Variants in BRCA1 observed in about 807,000 individuals in gnomAD.
BRCA1 encodes the protein BRCA1 DNA repair associated, also known as breast cancer type 1 susceptibility protein.
In BRCA1, 140 loss-of-function variants were observed where a neutral mutation model predicts 173.7. That is an observed-to-expected ratio of 0.81 (90% CI 0.70 to 0.93). The LOEUF (loss-of-function observed/expected upper bound fraction) is 0.93, where lower values mean the gene tolerates loss of function less well. BRCA1 is among the 40% of genes least tolerant of loss of function. The pLI, the probability that BRCA1 is intolerant of heterozygous loss-of-function variation, is 0.00. For synonymous variants in BRCA1, 662 were observed against 756.0 expected, an observed-to-expected ratio of 0.88 and a Z score of 2.04; for missense variants, 1,983 against 2,172.5, an observed-to-expected ratio of 0.91 and a Z score of 1.73.
Position 43,093,065 on chromosome 17 carries a change from A to C in BRCA1, c.2466T>G (p.Asn822Lys), listed in dbSNP as rs1064794701. The change falls in exon 10 of 23, where the codon AAT becomes AAG. Residue 822 changes from asparagine to lysine, a missense_variant. Asn to Lys is a moderately conservative substitution (Grantham distance 94). Transcript: ENST00000357654. ...KGLIHGCSKD[N>K]RNDTEGFKYP... is the part of the protein sequence containing the mutation. ...ACTTAAAGCCTTCTGTGTCATTTCTATTATCTTTGGAACAACCATGAATTA... is the reference window on the plus strand; with the variant it reads ...ACTTAAAGCCTTCTGTGTCATTTCTCTTATCTTTGGAACAACCATGAATTA... The C allele has an allele frequency of 6.2e-7, 1 of 1,613,692 alleles. No individual in the cohort carries two copies. The highest frequency in any genetic ancestry group is 8.5e-7 in the Non-Finnish European group (1 of 1,179,962).
chr17:43,092,077 C>G lies in BRCA1; in HGVS notation c.3454G>C (p.Asp1152His), dbSNP rs80357175. 1 of 1,614,046 alleles carries G rather than the reference C, an allele frequency of 6.2e-7. No individual in the cohort carries two copies. The highest frequency in any genetic ancestry group is 1.3e-5 in the African/African-American group (1 of 75,048). The change falls in exon 10 of 23, where the codon GAC (aspartate) becomes CAC (histidine). Residue 1152 changes from aspartate (D) to histidine (H), a missense_variant. By Grantham distance (81) the Asp-to-His change is moderately conservative. Transcript: ENST00000357654. ...TTTATTTCACCATCATCTAACAGGT[C>G]ATCAGGTGTCTCAGAACAAACCTGA... ...ASQVCSETPD[D>H]LLDDGEIKED...
chr17:43,122,400 T>G (rs1325754281), intron 2 of BRCA1, among the ~76,000 whole-genome samples: 1 of 152,214 alleles, frequency 6.6e-6, no homozygotes, highest in Non-Finnish European at 1.5e-5. Context: ...TTCTAACTAC[T>G]GAACATACAG....
At position 43,047,013 on chromosome 17, in the gene BRCA1, C is replaced by T. The variant is rs145225180; in HGVS notation, c.5467+630G>A. On this transcript the variant is annotated intron_variant, in intron 22 of 22. Coordinates refer to ENST00000357654, the MANE Select transcript of BRCA1 (RefSeq NM_007294.4). ...TTTATAAAATACACGTGTATATATA[C>T]GCACATATGCCTGGTGGAGTTTTAT... Among the ~76,000 whole-genome samples the T allele has an allele frequency of 1.9e-3, 283 of 152,200 alleles. 1 individual carries two copies. The highest frequency in any genetic ancestry group is 5.5e-3 in the African/African-American group (229 of 41,510).
chr17:43,125,831 G>C, upstream of BRCA1: 1 of 155,354 alleles, frequency 6.4e-6, no homozygotes, highest in Non-Finnish European at 1.4e-5. Flanking sequence ...TCCAGCATGC[G>C]TTGCGGAATG....
Position 43,044,742 on chromosome 17 carries a change from A to G in BRCA1, c.*936T>C, listed in dbSNP as rs2152256512. 1 of 499,914 alleles carries G rather than the reference A, an allele frequency of 2.0e-6. No homozygotes were observed. The highest frequency in any genetic ancestry group is 3.9e-6 in the Non-Finnish European group (1 of 255,380). The allele number at this position is 499,914 out of a possible 1,614,324, so 31.0% of individuals were successfully genotyped here. A position where few individuals can be genotyped will look rare whatever the true frequency, so the allele number is the denominator to read the frequency against. On this transcript the variant is annotated 3_prime_UTR_variant, in exon 23 of 23. Transcript: ENST00000357654. Reference sequence around the variant, plus strand: ...AAAATCTTCTGCTGTTTTAGAACACATTCTTTAGAAATCTAGCAAATATAT... The same window carrying G: ...AAAATCTTCTGCTGTTTTAGAACACGTTCTTTAGAAATCTAGCAAATATAT...
At chr17:43,096,493 A>C (rs1223740243) in intron 8 of BRCA1, among the ~76,000 whole-genome samples, 5 of 151,118 alleles carry the variant, frequency 3.3e-5, no homozygotes, top group African/African-American at 7.3e-5. Flanking sequence ...AATCGCTTGA[A>C]CCAGGGAGTT....
chr17:43,134,774 G>T (rs1597932083), intron 1 of BRCA1, among the ~76,000 whole-genome samples: 1 of 152,256 alleles, frequency 6.6e-6, no homozygotes, highest in East Asian at 1.9e-4. Flanking sequence ...TGAAAGGGCG[G>T]CCCTCATACA....
chr17:43,057,273 A>T, intron 18 of BRCA1, 138 bp from the exon 19 acceptor site: 1 of 793,688 alleles, frequency 1.3e-6, no homozygotes, highest in East Asian at 2.5e-5. Flanking sequence ...ACTTTGGGAG[A>T]CTGAGGCAGG....
chr17:43,133,262 A>G (rs1292446715), intron 1 of BRCA1: 1 of 152,172 alleles, frequency 6.6e-6, no homozygotes, highest in African/African-American at 2.4e-5. Flanking sequence ...GAAAACAGAA[A>G]GTAACTGCCA....
At chr17:43,094,902 T>C in intron 9 of BRCA1, 42 bp from the exon 10 acceptor site, 2 of 1,544,050 alleles carry the variant, frequency 1.3e-6, no homozygotes, top group Non-Finnish European at 1.8e-6. Context: ...AAAACTGAAT[T>C]GTCATTAAAA....
chr17:43,126,716 C>T (rs36221744), upstream of BRCA1, among the ~76,000 whole-genome samples: 2,298 of 152,338 alleles, frequency 0.015, 62 homozygotes, highest in African/African-American at 0.052. Flanking sequence ...GGCGCCTCCT[C>T]GGCCTTGGCG....
At chr17:43,075,554 C>T (rs1008758432) in intron 13 of BRCA1, among the ~76,000 whole-genome samples, 3 of 151,862 alleles carry the variant, frequency 2.0e-5, no homozygotes, top group Non-Finnish European at 4.4e-5. Flanking sequence ...TGAATTACTG[C>T]TCTCTCTCTC....
chr17:43,143,410 C>T (rs1476703302), intron 1 of BRCA1, among the ~76,000 whole-genome samples: 1 of 152,128 alleles, frequency 6.6e-6, no homozygotes, highest in Non-Finnish European at 1.5e-5. Context: ...ATGGGCGGCT[C>T]ACTTTGCTTA....
intron 1 of BRCA1, chr17:43,163,474 G>A (rs181414238): frequency 5.3e-5 from 8 of 152,310 alleles, no homozygotes; most frequent in Admixed American, 6.5e-5. Flanking sequence ...CTTAAATCCT[G>A]CAGCTATTTG....
chr17:43,116,505 C>T (rs1039889143), intron 2 of BRCA1, among the ~76,000 whole-genome samples: 8 of 152,180 alleles, frequency 5.3e-5, no homozygotes, highest in African/African-American at 1.9e-4. Flanking sequence ...CATGAGCCAA[C>T]ACACCCAAAC....
intron 1 of BRCA1, among the ~76,000 whole-genome samples, chr17:43,169,595 T>C (rs1196095951): frequency 2.0e-5 from 3 of 151,584 alleles, no homozygotes; most frequent in Admixed American, 1.3e-4. Flanking sequence ...ACCTACAAAC[T>C]GCCCCCTTCC....
intron 1 of BRCA1, among the ~76,000 whole-genome samples, chr17:43,146,622 A>G (rs958307869): frequency 6.6e-6 from 1 of 151,964 alleles, no homozygotes; most frequent in African/African-American, 2.4e-5. Context: ...TTTGTTACAT[A>G]TGTTAAGAAT....
intron 3 of BRCA1, among the ~76,000 whole-genome samples, chr17:43,113,916 A>C (rs1473115378): frequency 6.6e-6 from 1 of 152,122 alleles, no homozygotes; most frequent in Non-Finnish European, 1.5e-5. Flanking sequence ...CTCGACTAAA[A>C]ATACAAAAAT....
At chr17:43,048,182 CT>C (rs1392086003) in intron 21 of BRCA1, among the ~76,000 whole-genome samples, 2 of 152,114 alleles carry the variant, frequency 1.3e-5, no homozygotes, top group African/African-American at 4.8e-5. Flanking sequence ...GGGTGGGGCA[CT>C]GGCCCAGCCC....
Sources: allele counts gnomAD v4.1 joint callset (sites outside exome capture counted in the v4.1 genomes callset), GRCh38; gene constraint gnomAD v4.1.1; transcripts MANE v1.5; gene names NCBI Gene and HGNC (gene_info 2026-07-23, HGNC 2026-07-21).